The following MEI1 variants were observed in gnomAD, a reference collection of about 807,000 sequenced individuals.
MEI1 encodes meiotic double-stranded break formation protein 1.
Under a neutral mutation model 146.2 loss-of-function variants are expected in MEI1, and 103 were observed. That is an observed-to-expected ratio of 0.70 (90% CI 0.60 to 0.83). The LOEUF (loss-of-function observed/expected upper bound fraction) is 0.83. Ranked by LOEUF, MEI1 falls within the 40% of genes least tolerant of loss-of-function variation. MEI1 has a pLI of 0.00. For synonymous variants in MEI1, 652 were observed against 628.2 expected (o/e 1.04, Z -0.57); for missense variants, 1,529 against 1,533.0 (o/e 1.00, Z 0.04).
chr22:41,784,854 G>A, intron 26 of MEI1, 71 bp downstream of exon 26: 2 of 1,294,398 alleles, frequency 1.5e-6, no homozygotes, highest in Non-Finnish European at 2.1e-6. Context: ...CCTGTCGAGA[G>A]CCTGATACTC....
chr22:41,747,037 A>G (rs2073348620), intron 14 of MEI1, among the ~76,000 whole-genome samples: 1 of 127,892 alleles, frequency 7.8e-6, no homozygotes, highest in African/African-American at 2.6e-5. Flanking sequence ...TTTAATGAGC[A>G]TATATTACTT....
At position 41,745,973 on chromosome 22, in the gene MEI1, T is replaced by G. The variant is rs773785803; in HGVS notation, c.1627T>G (p.Phe543Val). 5.6e-5 allele frequency: 91 copies of G among 1,612,912 alleles called. No homozygotes were observed. Among genetic ancestry groups the G allele is most frequent in the Non-Finnish European group, 7.5e-5 (88 of 1,179,404 alleles). ...CAAGAAGGAAGACACCTTGGAGGCC[T>G]TCTCAGAATTTCTTCTCAGTGCCTG... is the stretch of plus-strand genomic sequence containing the variant. ...SAKKEDTLEAFSEFLLSACDS... is the reference protein window; with the variant it reads ...SAKKEDTLEAVSEFLLSACDS... Residue 543 changes from phenylalanine (F) to valine (V), a missense_variant, in exon 14 of 31, where the codon TTC becomes GTC. Around this residue, in one of 3 missense-constraint regions of MEI1, gnomAD observed 1,212 missense variants for 1,178.9 expected, o/e 1.03. Coordinates refer to ENST00000401548, the MANE Select transcript of MEI1 (RefSeq NM_152513.4).
intron 20 of MEI1, 189 bp from the exon 21 acceptor site, chr22:41,775,913 G>A (rs1292204712): frequency 1.8e-5 from 10 of 552,914 alleles, no homozygotes; most frequent in Admixed American, 3.1e-5. Flanking sequence ...CCTATTCTAA[G>A]GGATGGTTTT....
At chr22:41,707,954 G>A (rs542502844) in intron 3 of MEI1, among the ~76,000 whole-genome samples, 1 of 152,318 alleles carries the variant, frequency 6.6e-6, no homozygotes, top group Non-Finnish European at 1.5e-5. Flanking sequence ...GCTACTTGGT[G>A]TCCAAACACC....
intron 24 of MEI1, 75 bp downstream of exon 24, chr22:41,781,920 C>A: frequency 6.5e-7 from 1 of 1,542,096 alleles, no homozygotes; most frequent in South Asian, 1.2e-5. Flanking sequence ...GAGTTCTGGT[C>A]CCAGCTCTGG....
Position 41,744,992 on chromosome 22 carries a change from A to G in MEI1, c.1466A>G (p.Asp489Gly). ...RRPLGHASSR[D>G]SEKAILQRGK... ...CCTCAGGGCCATGCCTCCAGTAGAGATTCAGAGAAGGCCATTCTTCAAAGG... is the reference window on the plus strand; with the variant it reads ...CCTCAGGGCCATGCCTCCAGTAGAGGTTCAGAGAAGGCCATTCTTCAAAGG... The change falls in exon 13 of 31, where the codon GAT becomes GGT. Residue 489 changes from aspartate to glycine, a missense_variant. Physicochemically the swap from Asp to Gly is moderately conservative, Grantham distance 94. This residue lies in a region of MEI1 where 1,212 missense variants were observed against 1,178.9 expected (regional missense o/e 1.03). Coordinates refer to ENST00000401548, the MANE Select transcript of MEI1 (RefSeq NM_152513.4). The G allele has an allele frequency of 6.4e-7, 1 of 1,559,820 alleles. No individual in the cohort carries two copies. The highest frequency in any genetic ancestry group is 1.7e-4 in the Middle Eastern group (1 of 6,004).
chr22:41,740,037 G>A (rs559584572), intron 11 of MEI1, among the ~76,000 whole-genome samples: 2 of 151,586 alleles, frequency 1.3e-5, no homozygotes, highest in Non-Finnish European at 2.9e-5. Context: ...TTTTGGTGGG[G>A]GGGGTGGAGT....
At chr22:41,752,729 T>C in intron 16 of MEI1, 78 bp downstream of exon 16, 2 of 1,329,284 alleles carry the variant, frequency 1.5e-6, no homozygotes, top group Non-Finnish European at 2.1e-6. Flanking sequence ...AATTGTTGGC[T>C]GGTGTGTTTT....
intron 18 of MEI1, among the ~76,000 whole-genome samples, chr22:41,762,229 C>T (rs2074539808): frequency 1.3e-5 from 2 of 151,920 alleles, no homozygotes; most frequent in South Asian, 2.1e-4. Context: ...GCTGTCTTTT[C>T]GCTTTCTTTT....
intron 11 of MEI1, among the ~76,000 whole-genome samples, chr22:41,740,310 G>A (rs1278216091): frequency 6.6e-6 from 1 of 151,920 alleles, no homozygotes; most frequent in African/African-American, 2.4e-5. Context: ...GATCCACCGC[G>A]CCCGGCCAAA....
chr22:41,754,248 C>A (rs930408770), intron 17 of MEI1, among the ~76,000 whole-genome samples: 1 of 152,120 alleles, frequency 6.6e-6, no homozygotes, highest in African/African-American at 2.4e-5. Context: ...GAACCCAAGG[C>A]TCCTGGCACC....
chr22:41,733,471 A>T (rs34597186), intron 11 of MEI1, among the ~76,000 whole-genome samples: 1 of 146,214 alleles, frequency 6.8e-6, no homozygotes, highest in African/African-American at 2.6e-5. Context: ...AAAAAAAGAA[A>T]CCAGGCCAGG....
At chr22:41,751,104 C>T (rs1371592848) in intron 15 of MEI1, among the ~76,000 whole-genome samples, 1 of 152,070 alleles carries the variant, frequency 6.6e-6, no homozygotes, top group Non-Finnish European at 1.5e-5. Context: ...CAGGCACTGC[C>T]AGCCAGGAAT....
intron 1 of MEI1, among the ~76,000 whole-genome samples, chr22:41,702,964 C>T (rs1476817726): frequency 1.3e-5 from 2 of 151,916 alleles, no homozygotes; most frequent in African/African-American, 4.8e-5. Flanking sequence ...GTGATACGCC[C>T]GCCTTGGCCT....
chr22:41,733,137 C>T (rs529865153), intron 11 of MEI1, among the ~76,000 whole-genome samples: 2 of 150,336 alleles, frequency 1.3e-5, no homozygotes, highest in Non-Finnish European at 3.0e-5. Context: ...GACTTTTTTT[C>T]TTGTTATTAT....
rs780338893 is a variant in MEI1, at chr22:41,758,486, G to A, written c.2073G>A (p.Gln691=). The part of the protein sequence containing the change: ...QYMEGAARQR[Q]YCILLLFYLA... ...TGGAGGGAGCTGCTCGCCAGAGACA[G>A]TACTGCATCCTGCTCCTCTTCTACT... Residue 691 remains glutamine (Q), a synonymous_variant, in exon 18 of 31, where the codon CAG becomes CAA. Coordinates refer to ENST00000401548, the MANE Select transcript of MEI1 (RefSeq NM_152513.4). 2.5e-6 allele frequency: 4 copies of A among 1,613,762 alleles called. No individual in the cohort carries two copies. The East Asian group carries it at 8.9e-5, about 36-fold the overall frequency.
chr22:41,763,970 G>A (rs192356541), intron 19 of MEI1, among the ~76,000 whole-genome samples: 2,103 of 140,210 alleles, frequency 0.015, 41 homozygotes, highest in Admixed American at 0.055. Flanking sequence ...TTTTTGAGAC[G>A]GAGTCTCGCT....
intron 11 of MEI1, among the ~76,000 whole-genome samples, chr22:41,738,824 T>C (rs2072614969): frequency 7.7e-6 from 1 of 130,442 alleles, no homozygotes; most frequent in South Asian, 2.5e-4. Flanking sequence ...TAAAATTAGC[T>C]GGGTGTGGTG....
intron 20 of MEI1, among the ~76,000 whole-genome samples, chr22:41,775,785 G>A (rs1056611396): frequency 1.3e-5 from 2 of 151,874 alleles, no homozygotes; most frequent in African/African-American, 2.4e-5. Context: ...TAGTAAAGAC[G>A]GGGTTTCACC....
Sources: allele counts gnomAD v4.1 joint callset (sites outside exome capture counted in the v4.1 genomes callset), GRCh38; gene constraint gnomAD v4.1.1; regional missense constraint gnomAD v4.1.1; transcripts MANE v1.5; gene names NCBI Gene and HGNC (gene_info 2026-07-23, HGNC 2026-07-21).